Variants in ACSM5 observed in about 807,000 individuals in gnomAD.
ACSM5 encodes acyl-CoA synthetase medium chain family member 5, also known as acyl-coenzyme A synthetase ACSM5, mitochondrial.
ACSM5 carries 56 observed loss-of-function variants against 71.6 expected under a neutral mutation model. That is an observed-to-expected ratio of 0.78 (90% CI 0.63 to 0.98). ACSM5 has a LOEUF of 0.98. Ranked by LOEUF, ACSM5 falls within the 50% of genes least tolerant of loss-of-function variation. The pLI is 0.00. For missense variants in ACSM5, 723 were observed against 726.0 expected, an observed-to-expected ratio of 1.00 and a Z score of 0.05; for synonymous variants, 285 against 281.5, an observed-to-expected ratio of 1.01 and a Z score of -0.12.
rs1239858093 is a variant in ACSM5, at chr16:20,440,480, T to C, written c.*53T>C. 1.2e-5 allele frequency: 18 copies of C among 1,489,930 alleles called. No homozygotes were observed. Among genetic ancestry groups the C allele is most frequent in the Non-Finnish European group, 1.7e-5 (18 of 1,066,686 alleles). 92.3% of individuals were successfully genotyped at this position (1,489,930 alleles called of 1,614,324 possible). ...CTCCGAAGACTCCACAAGAAACTAA[T>C]GGATCACTGGTCAGTCCCCATGGGG... On this transcript the variant is annotated 3_prime_UTR_variant, in exon 14 of 14. Coordinates refer to ENST00000331849, the MANE Select transcript of ACSM5 (RefSeq NM_017888.3).
intron 12 of ACSM5, among the ~76,000 whole-genome samples, chr16:20,438,704 C>A (rs1967252645): frequency 6.6e-6 from 1 of 151,412 alleles, no homozygotes; most frequent in African/African-American, 2.4e-5. Context: ...GTCTGTAATC[C>A]CAGCACTTTG....
chr16:20,419,703 T>C (rs1251364508), intron 4 of ACSM5: 1 of 497,728 alleles, frequency 2.0e-6, no homozygotes, highest in Non-Finnish European at 3.7e-6. Flanking sequence ...CCATTCAGAG[T>C]ACATGAAATA....
chr16:20,419,780 G>A, intron 4 of ACSM5: 3 of 360,110 alleles, frequency 8.3e-6, no homozygotes, highest in Non-Finnish European at 1.6e-5. Flanking sequence ...CATGTATTGG[G>A]TACTTAGTGT....
At chr16:20,424,570 A>T (rs933005260) in intron 6 of ACSM5, among the ~76,000 whole-genome samples, 26 of 152,138 alleles carry the variant, frequency 1.7e-4, no homozygotes, top group African/African-American at 6.0e-4. Context: ...ATTCCTTAAA[A>T]TGTCAGAGGA....
At chr16:20,430,698 A>T (rs1438715902) in intron 8 of ACSM5, among the ~76,000 whole-genome samples, 2 of 151,716 alleles carry the variant, frequency 1.3e-5, no homozygotes, top group African/African-American at 2.4e-5. Flanking sequence ...AATAACGGGG[A>T]AAAGAATGAA....
Position 20,411,663 on chromosome 16 carries a change from TG to T in ACSM5, c.181del (p.Asp61MetfsTer58). 2 of 1,614,090 alleles carry T rather than the reference TG, an allele frequency of 1.2e-6. No individual in the cohort carries two copies. Among genetic ancestry groups the T allele is most frequent in the Non-Finnish European group, 1.7e-6 (2 of 1,180,016 alleles). On this transcript the variant is annotated frameshift_variant, in exon 2 of 14. Transcript: ENST00000331849. LOFTEE classifies it high-confidence loss of function. ...TACTTCAACTTCGCCCATGATGTGC[TG>T]GATGTGTGGAGTCGGCTGGAAGAGG... is the stretch of plus-strand genomic sequence containing the variant. ...PEYFNFAHDVLDVWSRLEEAG... is the reference protein window; with the variant it reads ...PEYFNFAHDVXDVWSRLEEAG...
At chr16:20,412,786 C>G (rs1966850181) in intron 2 of ACSM5, among the ~76,000 whole-genome samples, 2 of 151,910 alleles carry the variant, frequency 1.3e-5, no homozygotes, top group Non-Finnish European at 2.9e-5. Context: ...CTGGAGAATA[C>G]AAAACTGGAA....
intron 6 of ACSM5, among the ~76,000 whole-genome samples, chr16:20,426,051 T>A (rs1966971822): frequency 6.6e-6 from 1 of 152,194 alleles, no homozygotes; most frequent in African/African-American, 2.4e-5. Context: ...CTACCAGCAA[T>A]GTAGAAGTGT....
chr16:20,431,776 C>T (rs1014741598), intron 10 of ACSM5, among the ~76,000 whole-genome samples: 1 of 152,048 alleles, frequency 6.6e-6, no homozygotes, highest in Middle Eastern at 3.4e-3. Flanking sequence ...CATAGTGAAA[C>T]CCCGTTTCTA....
intron 2 of ACSM5, among the ~76,000 whole-genome samples, chr16:20,417,086 A>C (rs112521250): frequency 0.044 from 6,719 of 151,612 alleles, 160 homozygotes; most frequent in South Asian, 0.058. Flanking sequence ...TAGAACCCTC[A>C]GACATGGCTG....
At chr16:20,431,137 G>A (rs1321783166) in intron 9 of ACSM5, 64 bp downstream of exon 9, 2 of 1,600,872 alleles carry the variant, frequency 1.2e-6, no homozygotes, top group Non-Finnish European at 1.7e-6. Flanking sequence ...CACAGGCCTG[G>A]TTGGCACGGG....
At chr16:20,410,394 G>A (rs1053833238) in intron 1 of ACSM5, among the ~76,000 whole-genome samples, 1 of 152,072 alleles carries the variant, frequency 6.6e-6, no homozygotes, top group African/African-American at 2.4e-5. Flanking sequence ...ATGTAGGGTG[G>A]GGTCCCATCT....
chr16:20,424,077 G>A lies in ACSM5; in HGVS notation c.921+8G>A, dbSNP rs777551792. 1.2e-6 allele frequency: 2 copies of A among 1,613,674 alleles called. No homozygotes were observed. The highest frequency in any genetic ancestry group is 4.5e-5 in the East Asian group (2 of 44,856). On this transcript the variant is annotated splice_region_variant and intron_variant, in intron 6 of 13. Transcript: ENST00000331849. ...GCCAAAGTTATCCTGAATGTAAGAG[G>A]AAAAACCAACAATACCCCATATGTG...
rs543554996 is a variant in ACSM5, at chr16:20,429,736, G to C, written c.1060G>C (p.Val354Leu). 1.9e-6 allele frequency: 3 copies of C among 1,613,150 alleles called. No homozygotes were observed. In the South Asian group the frequency reaches 3.3e-5, roughly 18 times the overall value. Reference protein sequence around the residue: ...LTGGEALNPDVREKWKHQTGV... With the variant: ...LTGGEALNPDLREKWKHQTGV... ...CGGAGGAGAGGCCCTCAACCCTGAC[G>C]TGAGGGAGAAGTGGAAACACCAGAC... The change falls in exon 8 of 14, where the codon GTG becomes CTG. Residue 354 changes from valine (V) to leucine (L), a missense_variant. Val to Leu is a conservative substitution (Grantham distance 32). Coordinates refer to ENST00000331849, the MANE Select transcript of ACSM5 (RefSeq NM_017888.3).
chr16:20,421,283 A>C lies in ACSM5; in HGVS notation c.649A>C (p.Met217Leu). ...GGAGGCTTCTACAGAGCACAACTGCATGAGGACAAAGAGTCGAGACCCGCT... is the reference window on the plus strand; with the variant it reads ...GGAGGCTTCTACAGAGCACAACTGCCTGAGGACAAAGAGTCGAGACCCGCT... ...LREASTEHNCMRTKSRDPLAI... is the reference protein window; with the variant it reads ...LREASTEHNCLRTKSRDPLAI... The change falls in exon 5 of 14, where the codon ATG (methionine) becomes CTG (leucine). Residue 217 changes from methionine (M) to leucine (L), a missense_variant. Transcript: ENST00000331849. 2 of 1,604,824 alleles carry C rather than the reference A, an allele frequency of 1.2e-6. No homozygotes were observed. The highest frequency in any genetic ancestry group is 1.7e-5 in the Admixed American group (1 of 59,088).
intron 8 of ACSM5, 104 bp from the exon 9 acceptor site, chr16:20,430,889 A>G: frequency 1.3e-6 from 1 of 748,870 alleles, no homozygotes; most frequent in South Asian, 2.0e-5. Flanking sequence ...AGGAGAAAAA[A>G]GAGGATGAGA....
At chr16:20,438,756 T>C (rs8043829) in intron 12 of ACSM5, among the ~76,000 whole-genome samples, 53,744 of 149,290 alleles carry the variant, frequency 0.36, 11,017 homozygotes, top group East Asian at 0.77. Context: ...GAGATCGAGA[T>C]CATCCTGGCT....
intron 2 of ACSM5, among the ~76,000 whole-genome samples, chr16:20,417,370 C>T (rs1179792129): frequency 2.6e-5 from 4 of 152,132 alleles, no homozygotes; most frequent in Non-Finnish European, 5.9e-5. Flanking sequence ...ATTATTCAGC[C>T]ATCAAAATAA....
At chr16:20,416,305 A>G (rs1348356340) in intron 2 of ACSM5, among the ~76,000 whole-genome samples, 2 of 151,630 alleles carry the variant, frequency 1.3e-5, no homozygotes, top group Non-Finnish European at 2.9e-5. Context: ...AAAAAAGAAG[A>G]CTCACACTTT....
Sources: gnomAD v4.1 joint callset for allele counts (sites outside exome capture counted in the v4.1 genomes callset) on GRCh38, gnomAD v4.1.1 for gene constraint, MANE v1.5 for transcripts, NCBI Gene and HGNC (gene_info 2026-07-23, HGNC 2026-07-21) for gene names.